CDC27: variants seen among roughly 807,000 people sequenced by gnomAD.
The protein encoded by CDC27 is cell division cycle protein 27 homolog.
Under a neutral mutation model 109.7 loss-of-function variants are expected in CDC27, and 27 were observed. The observed-to-expected ratio is 0.25, with a 90% CI of 0.18 to 0.34. The LOEUF is 0.34. CDC27 is among the 10% of genes least tolerant of loss of function. The pLI is 1.00. For missense variants in CDC27, 579 were observed against 960.2 expected (o/e 0.60, Z 5.25); for synonymous variants, 266 against 333.9 (o/e 0.80, Z 2.22).
chr17:47,147,330 C>T (rs547202708), intron 9 of CDC27, among the ~76,000 whole-genome samples: 3 of 150,998 alleles, frequency 2.0e-5, no homozygotes, highest in South Asian at 4.2e-4. Context: ...ACCCGGGAGG[C>T]GGAGCTTGCA....
At chr17:47,123,375 A>G (rs1598383635) in intron 17 of CDC27, among the ~76,000 whole-genome samples, 2 of 146,848 alleles carry the variant, frequency 1.4e-5, no homozygotes, top group South Asian at 4.4e-4. Context: ...ACACAGTGCC[A>G]TTCATGTTCT....
At chr17:47,186,195 A>T (rs2064428709) in intron 1 of CDC27, among the ~76,000 whole-genome samples, 1 of 151,628 alleles carries the variant, frequency 6.6e-6, no homozygotes, top group South Asian at 2.1e-4. Context: ...CTGCTCAAAA[A>T]CTCTTCTGCT....
intron 1 of CDC27, among the ~76,000 whole-genome samples, chr17:47,183,178 C>T (rs1346929121): frequency 6.6e-6 from 1 of 151,948 alleles, no homozygotes; most frequent in African/African-American, 2.4e-5. Context: ...ATGATACAAG[C>T]GTTATTTTTT....
chr17:47,140,919 C>A (rs573129806), intron 12 of CDC27, among the ~76,000 whole-genome samples: 26 of 152,286 alleles, frequency 1.7e-4, no homozygotes, highest in Non-Finnish European at 1.9e-4. Context: ...GGAAGAGTAA[C>A]CTTCCCTCTG....
At chr17:47,178,232 T>C (rs1260915692) in intron 2 of CDC27, among the ~76,000 whole-genome samples, 1 of 151,922 alleles carries the variant, frequency 6.6e-6, no homozygotes, top group African/African-American at 2.4e-5. Context: ...GTATCATATC[T>C]AATAAGGGTA....
chr17:47,126,430 T>C (rs924111206), intron 16 of CDC27, among the ~76,000 whole-genome samples: 1 of 152,150 alleles, frequency 6.6e-6, no homozygotes, highest in African/African-American at 2.4e-5. Flanking sequence ...CTGCCTGATA[T>C]AATAATGATA....
At chr17:47,145,119 C>T (rs1163623100) in intron 9 of CDC27, among the ~76,000 whole-genome samples, 1 of 152,164 alleles carries the variant, frequency 6.6e-6, no homozygotes, top group East Asian at 1.9e-4. Flanking sequence ...ATTTATTCTC[C>T]CATTTCAGAT....
chr17:47,151,971 G>C lies in CDC27; in HGVS notation c.958-53C>G. On this transcript the variant is annotated intron_variant, in intron 8 of 18. Coordinates refer to ENST00000066544, the MANE Select transcript of CDC27 (RefSeq NM_001256.6). ...GTGAATTATGGGCTGCACTGTAAAT[G>C]ATAAAAGACAACACAACGCTCCCAT... 3 of 1,508,090 alleles carry C rather than the reference G, an allele frequency of 2.0e-6. No individual in the cohort carries two copies. In the South Asian group the frequency reaches 4.2e-5, roughly 21 times the overall value. 93.4% of individuals were successfully genotyped at this position (1,508,090 alleles called of 1,614,324 possible). A position where few individuals can be genotyped will look rare whatever the true frequency, so the allele number is the denominator to read the frequency against.
chr17:47,118,813 G>C lies in CDC27; in HGVS notation c.*2122C>G, dbSNP rs1380176522. The C allele has an allele frequency of 6.6e-6, 1 of 152,326 alleles. No individual in the cohort carries two copies. The highest frequency in any genetic ancestry group is 1.5e-5 in the Non-Finnish European group (1 of 68,040). The allele number at this position is 152,326 out of a possible 1,614,324, so 9.4% of individuals were successfully genotyped here. On this transcript the variant is annotated 3_prime_UTR_variant, in exon 19 of 19. Coordinates refer to ENST00000066544, the MANE Select transcript of CDC27 (RefSeq NM_001256.6). ...AGGCTTCAAATACCTAAATGACTTT[G>C]AAAGTAGGTATGAGGAAAAATAAAA...
chr17:47,154,951 C>G, intron 7 of CDC27, 165 bp from the exon 8 acceptor site: 1 of 434,598 alleles, frequency 2.3e-6, no homozygotes, highest in Non-Finnish European at 4.1e-6. Flanking sequence ...GTAGACTATT[C>G]CACCCACCAT....
chr17:47,172,694 T>G (rs1435749981), intron 2 of CDC27, among the ~76,000 whole-genome samples: 2 of 152,172 alleles, frequency 1.3e-5, no homozygotes, highest in African/African-American at 4.8e-5. Context: ...AATCTGTCCC[T>G]CCTTTTTACA....
intron 2 of CDC27, 74 bp downstream of exon 2, chr17:47,181,488 A>G: frequency 1.3e-6 from 1 of 775,352 alleles, no homozygotes; most frequent in South Asian, 1.6e-5. Flanking sequence ...GAATCTTGTT[A>G]CAGTGATAAA....
intron 2 of CDC27, among the ~76,000 whole-genome samples, chr17:47,180,039 G>C (rs2064162767): frequency 6.6e-6 from 1 of 152,148 alleles, no homozygotes; most frequent in Non-Finnish European, 1.5e-5. Flanking sequence ...GAGGCAGGAG[G>C]ATCACTTCAG....
At chr17:47,144,602 C>T (rs750217725) in intron 9 of CDC27, among the ~76,000 whole-genome samples, 3 of 152,060 alleles carry the variant, frequency 2.0e-5, no homozygotes, top group Non-Finnish European at 4.4e-5. Context: ...CGAAAGGAGC[C>T]TCTGTACATT....
chr17:47,180,090 T>C (rs1382073722), intron 2 of CDC27, among the ~76,000 whole-genome samples: 7 of 152,160 alleles, frequency 4.6e-5, no homozygotes, highest in African/African-American at 1.7e-4. Flanking sequence ...ATTGTGCCAC[T>C]GTACTCTAGC....
At chr17:47,133,469 C>T (rs1334694102) in intron 14 of CDC27, among the ~76,000 whole-genome samples, 19 of 131,700 alleles carry the variant, frequency 1.4e-4, no homozygotes, top group Middle Eastern at 6.6e-3. Context: ...GACGGAGTTT[C>T]GCTCTTGTTG....
chr17:47,175,646 T>A (rs924872019), intron 2 of CDC27, among the ~76,000 whole-genome samples: 1 of 152,156 alleles, frequency 6.6e-6, no homozygotes, highest in African/African-American at 2.4e-5. Context: ...CGAAACCCCA[T>A]CTCTACTAAA....
At chr17:47,147,691 AAGACCTTGTCTCATAG>A (rs1186624384) in intron 9 of CDC27, among the ~76,000 whole-genome samples, 1 of 151,968 alleles carries the variant, frequency 6.6e-6, no homozygotes, top group East Asian at 1.9e-4. Context: ...ACAACATAGC[AAGACCTTGTCTCATAG>A]AGACCTTGTC....
At chr17:47,167,819 C>T (rs1293621935) in intron 4 of CDC27, among the ~76,000 whole-genome samples, 2 of 152,212 alleles carry the variant, frequency 1.3e-5, no homozygotes, top group Admixed American at 6.5e-5. Context: ...AGGTTAAGGG[C>T]TCAGTCTTCA....
Sources: allele counts gnomAD v4.1 joint callset (sites outside exome capture counted in the v4.1 genomes callset), GRCh38; gene constraint gnomAD v4.1.1; transcripts MANE v1.5; gene names NCBI Gene and HGNC (gene_info 2026-07-23, HGNC 2026-07-21).